The following POLG variants were observed in gnomAD, a reference collection of about 807,000 sequenced individuals.
The protein encoded by POLG is DNA polymerase gamma, catalytic subunit.
In POLG, 110 loss-of-function variants were observed where a neutral mutation model predicts 155.4. The ratio of observed to expected loss-of-function variants is 0.71; its 90% confidence interval spans 0.61 to 0.83. The LOEUF (loss-of-function observed/expected upper bound fraction) is 0.83, where lower values mean the gene tolerates loss of function less well. Among genes scored for constraint, POLG ranks in the 40% least tolerant of loss-of-function variants. The probability of loss-of-function intolerance (pLI) is 0.00; values close to 1 mark genes in which losing one functional copy is unlikely to be tolerated. For missense variants in POLG, 1,685 were observed against 1,627.5 expected, an observed-to-expected ratio of 1.04 and a Z score of -0.61; for synonymous variants, 701 against 631.5, an observed-to-expected ratio of 1.11 and a Z score of -1.65.
In POLG at chr15:89,333,701, C is replaced by G. The variant is rs1378670216; in HGVS notation, c.54G>C (p.Pro18=). Reference sequence around the variant, plus strand: ...AGACCCAGCGCCCCGGAGCTGGAACCGGCCCTGGCCCGACGGTGGCGCCGG... The same window carrying G: ...AGACCCAGCGCCCCGGAGCTGGAACGGGCCCTGGCCCGACGGTGGCGCCGG... ...KVAGATVGPG[P]VPAPGRWVSS... The change falls in exon 2 of 23, where the codon CCG becomes CCC. Residue 18 remains proline (P), a synonymous_variant. Coordinates refer to ENST00000268124, the MANE Select transcript of POLG (RefSeq NM_002693.3). The G allele has an allele frequency of 3.2e-6, 5 of 1,539,918 alleles. No homozygotes were observed. Among genetic ancestry groups the G allele is most frequent in the Non-Finnish European group, 3.5e-6 (4 of 1,148,678 alleles).
At chr15:89,325,143 A>AGAGTGAGT (rs368838895) in intron 10 of POLG, among the ~76,000 whole-genome samples, 6 of 49,124 alleles carry the variant, frequency 1.2e-4, no homozygotes, top group Admixed American at 1.8e-4. Flanking sequence ...AGTGAGTGAG[A>AGAGTGAGT]GAGTGAGTGA....
In POLG at chr15:89,325,659, T is replaced by C; in HGVS notation, c.1740A>G (p.Leu580=). Reference sequence around the variant, plus strand: ...GGCCCGGGGTCCATGCAGGGTCGTCTAGCCGGGGGCAGAGCTTCCGGTACC... The same window carrying C: ...GGCCCGGGGTCCATGCAGGGTCGTCCAGCCGGGGGCAGAGCTTCCGGTACC... The part of the protein sequence containing the change: ...PGWYRKLCPR[L]DDPAWTPGPS... The change falls in exon 10 of 23, where the codon CTA becomes CTG. Residue 580 remains leucine (L), a synonymous_variant. Transcript: ENST00000268124. 6.2e-7 allele frequency: 1 copy of C among 1,610,602 alleles called. No homozygotes were observed. Among genetic ancestry groups the C allele is most frequent in the Non-Finnish European group, 8.5e-7 (1 of 1,179,946 alleles).
chr15:89,329,105 G>T lies in POLG; in HGVS notation c.861C>A (p.Ser287=), dbSNP rs751547555. Residue 287 remains serine, a synonymous_variant, in exon 4 of 23, where the codon TCC becomes TCA. Coordinates refer to ENST00000268124, the MANE Select transcript of POLG (RefSeq NM_002693.3). ...TCATGGTGTCCAGGAAACGCATGCG[G>T]GAACCCTGAGGAGGAGGAGGAGAAA... ...HIREQYLIQG[S]RMRFLDTMSM... The T allele has an allele frequency of 1.2e-6, 2 of 1,611,316 alleles. No homozygotes were observed. Among genetic ancestry groups the T allele is most frequent in the South Asian group, 2.2e-5 (2 of 90,948 alleles).
chr15:89,323,709 C>T (rs766623222), intron 12 of POLG, 106 bp downstream of exon 12: 1 of 1,020,702 alleles, frequency 9.8e-7, no homozygotes, highest in Non-Finnish European at 1.6e-6. Context: ...GCATCTCCAA[C>T]CCCCTTAAGA....
intron 10 of POLG, among the ~76,000 whole-genome samples, chr15:89,325,097 TGAGA>T (rs1193588694): frequency 0.019 from 666 of 35,114 alleles, 89 homozygotes; most frequent in South Asian, 0.049. Context: ...AGTGAGTGAG[TGAGA>T]GAGTGAGAGA....
At position 89,323,401 on chromosome 15, in the gene POLG, C is replaced by T. The variant is rs1279429363; in HGVS notation, c.2265+3G>A. On this transcript the variant is annotated splice_donor_region_variant and intron_variant, in intron 13 of 22. Transcript: ENST00000268124. ...ACAGGACAGGCCATGACCCAGGACACACCTTGTGAGGCAGCTTGAAAAACC... is the reference window on the plus strand; with the variant it reads ...ACAGGACAGGCCATGACCCAGGACATACCTTGTGAGGCAGCTTGAAAAACC... 1.3e-6 allele frequency: 2 copies of T among 1,597,624 alleles called. No homozygotes were observed. Among genetic ancestry groups the T allele is most frequent in the Non-Finnish European group, 1.7e-6 (2 of 1,165,054 alleles).
intron 3 of POLG, among the ~76,000 whole-genome samples, chr15:89,329,740 A>G (rs978512701): frequency 2.0e-5 from 3 of 152,196 alleles, no homozygotes; most frequent in African/African-American, 7.2e-5. Flanking sequence ...ACTAAGACTT[A>G]GAGATGTTAA....
chr15:89,321,632 G>T, intron 16 of POLG, 104 bp downstream of exon 16: 1 of 874,672 alleles, frequency 1.1e-6, no homozygotes, highest in Non-Finnish European at 1.9e-6. Flanking sequence ...CAGATCACAG[G>T]GTCCTTTTCA....
chr15:89,317,915 A>G lies in POLG; in HGVS notation c.3483-379T>C, dbSNP rs964903117. 9 of 341,704 alleles carry G rather than the reference A, an allele frequency of 2.6e-5. No individual in the cohort carries two copies. In the Admixed American group the frequency reaches 4.0e-4, roughly 15 times the overall value. 21.2% of individuals were successfully genotyped at this position (341,704 alleles called of 1,614,324 possible). On this transcript the variant is annotated intron_variant, in intron 21 of 22. Coordinates refer to ENST00000268124, the MANE Select transcript of POLG (RefSeq NM_002693.3). ...AAGAGGGCAATGGGAACAATGTTGA[A>G]TATTGTAAACATCTGTTATTTACCC... is the stretch of plus-strand genomic sequence containing the variant.
Position 89,317,479 on chromosome 15 carries a change from G to A in POLG, c.3540C>T (p.Phe1180=). 6.2e-7 allele frequency: 1 copy of A among 1,614,092 alleles called. No homozygotes were observed. Among genetic ancestry groups the A allele is most frequent in the Non-Finnish European group, 8.5e-7 (1 of 1,179,966 alleles). ...GGCACCGGTCAATATCGACTGCACTGAAAAAGGCGACTGACTGGGGCAAGT... is the reference window on the plus strand; with the variant it reads ...GGCACCGGTCAATATCGACTGCACTAAAAAAGGCGACTGACTGGGGCAAGT... ...LNDLPQSVAF[F]SAVDIDRCLR... is the part of the protein sequence containing the mutation. The change falls in exon 22 of 23, where the codon TTC becomes TTT. Residue 1180 remains phenylalanine, a synonymous_variant. Coordinates refer to ENST00000268124, the MANE Select transcript of POLG (RefSeq NM_002693.3).
Position 89,324,339 on chromosome 15 carries a change from T to C in POLG, c.1950-112A>G, listed in dbSNP as rs2055441794. ...CCTTTGTTTAGTCCTCAGAATCAGCTCTGAGGCAGAACCAGATAGCACTTT... is the reference window on the plus strand; with the variant it reads ...CCTTTGTTTAGTCCTCAGAATCAGCCCTGAGGCAGAACCAGATAGCACTTT... On this transcript the variant is annotated intron_variant, in intron 10 of 22. Coordinates refer to ENST00000268124, the MANE Select transcript of POLG (RefSeq NM_002693.3). 3.2e-6 allele frequency: 4 copies of C among 1,253,520 alleles called. No homozygotes were observed. The East Asian group carries it at 1.0e-4, about 31-fold the overall frequency. 77.6% of individuals were successfully genotyped at this position (1,253,520 alleles called of 1,614,324 possible).
Position 89,333,700 on chromosome 15 carries a change from C to A in POLG, c.55G>T (p.Val19Phe). Reference sequence around the variant, plus strand: ...GAGACCCAGCGCCCCGGAGCTGGAACCGGCCCTGGCCCGACGGTGGCGCCG... The same window carrying A: ...GAGACCCAGCGCCCCGGAGCTGGAAACGGCCCTGGCCCGACGGTGGCGCCG... Reference protein sequence around the residue: ...VAGATVGPGPVPAPGRWVSSS... With the variant: ...VAGATVGPGPFPAPGRWVSSS... Residue 19 changes from valine (V) to phenylalanine (F), a missense_variant, in exon 2 of 23, where the codon GTT becomes TTT. This residue lies in a region of POLG where 1,210 missense variants were observed against 1,167.1 expected (regional missense o/e 1.04). Coordinates refer to ENST00000268124, the MANE Select transcript of POLG (RefSeq NM_002693.3). 1 of 1,540,030 alleles carries A rather than the reference C, an allele frequency of 6.5e-7. No homozygotes were observed. Among genetic ancestry groups the A allele is most frequent in the South Asian group, 1.2e-5 (1 of 84,762 alleles).
At chr15:89,321,568 T>C (rs991196530) in intron 16 of POLG, among the ~76,000 whole-genome samples, 168 bp downstream of exon 16, 9 of 152,208 alleles carry the variant, frequency 5.9e-5, no homozygotes, top group Admixed American at 1.3e-4. Context: ...ACATATTTAC[T>C]GAAGGAGTGG....
Position 89,329,105 on chromosome 15 carries a change from G to A in POLG, c.861C>T (p.Ser287=). 6.2e-7 allele frequency: 1 copy of A among 1,611,434 alleles called. No individual in the cohort carries two copies. Among genetic ancestry groups the A allele is most frequent in the South Asian group, 1.1e-5 (1 of 90,944 alleles). Residue 287 remains serine, a synonymous_variant, in exon 4 of 23, where the codon TCC becomes TCT. Transcript: ENST00000268124. ...HIREQYLIQG[S]RMRFLDTMSM... ...TCATGGTGTCCAGGAAACGCATGCG[G>A]GAACCCTGAGGAGGAGGAGGAGAAA...
chr15:89,319,283 C>T lies in POLG; in HGVS notation c.3049G>A (p.Gly1017Ser). The T allele has an allele frequency of 1.2e-6, 2 of 1,614,186 alleles. No homozygotes were observed. The highest frequency in any genetic ancestry group is 1.7e-6 in the Non-Finnish European group (2 of 1,180,028). Residue 1017 changes from glycine to serine, a missense_variant, in exon 19 of 23, where the codon GGT becomes AGT. This residue lies in a region of POLG where 470 missense variants were observed against 439.9 expected (regional missense o/e 1.07). Transcript: ENST00000268124. ...AGATCCTGCAGGGAAATCCAGCCAC[C>T]CTCAGTCCTGTCCACTGGGAGGTTC... ...ELNLPVDRTE[G>S]GWISLQDLRK...
chr15:89,321,047 G>A, intron 17 of POLG, 35 bp from the exon 18 acceptor site: 1 of 1,613,842 alleles, frequency 6.2e-7, no homozygotes, highest in African/African-American at 1.3e-5. Flanking sequence ...AAGCAGCTCA[G>A]GAACATTCTG....
At chr15:89,320,165 T>C (rs2055373666) in intron 18 of POLG, among the ~76,000 whole-genome samples, 1 of 152,228 alleles carries the variant, frequency 6.6e-6, no homozygotes, top group South Asian at 2.1e-4. Context: ...AAGTGAAGTT[T>C]CCACAATGAG....
intron 21 of POLG, 54 bp from the exon 22 acceptor site, chr15:89,317,590 A>T: frequency 6.4e-7 from 1 of 1,561,570 alleles, no homozygotes; most frequent in Non-Finnish European, 8.8e-7. Context: ...GAACAGATGC[A>T]TCACTCCTGG....
At position 89,323,438 on chromosome 15, in the gene POLG, A is replaced by ATGTCCACGTCGTTG. The variant is rs1282521429; in HGVS notation, c.2217_2230dup (p.Ile744ThrfsTer59). On this transcript the variant is annotated frameshift_variant, in exon 13 of 23. Transcript: ENST00000268124. LOFTEE classifies it high-confidence loss of function. ...CAGCTTGAAAAACCAGCAGCCAGGGATGTCCACGTCGTTGTAAGGTCCATT... is the reference window on the plus strand; with the variant it reads ...CAGCTTGAAAAACCAGCAGCCAGGGATGTCCACGTCGTTGTGTCCACGTCGTTGTAAGGTCCATT... The ATGTCCACGTCGTTG allele has an allele frequency of 1.2e-5, 20 of 1,613,688 alleles. No individual in the cohort carries two copies. Among genetic ancestry groups the ATGTCCACGTCGTTG allele is most frequent in the Non-Finnish European group, 1.7e-5 (20 of 1,179,710 alleles).
Sources: gnomAD v4.1 joint callset for allele counts (sites outside exome capture counted in the v4.1 genomes callset) on GRCh38, gnomAD v4.1.1 for gene constraint, gnomAD v4.1.1 regional missense constraint, MANE v1.5 for transcripts, NCBI Gene and HGNC (gene_info 2026-07-23, HGNC 2026-07-21) for gene names.